The following PCDHA1 variants were observed in gnomAD, a reference collection of about 807,000 sequenced individuals.
The protein encoded by PCDHA1 is protocadherin alpha-1.
A neutral mutation model predicts 61.3 loss-of-function variants in PCDHA1; 42 were observed. The observed-to-expected ratio is 0.69, with a 90% CI of 0.54 to 0.89. The LOEUF (loss-of-function observed/expected upper bound fraction) is 0.89, where lower values mean the gene tolerates loss of function less well. Ranked by LOEUF, PCDHA1 falls within the 40% of genes least tolerant of loss-of-function variation. The pLI is 0.00. For missense variants in PCDHA1, 1,256 were observed against 1,235.3 expected (o/e 1.02, Z -0.25); for synonymous variants, 610 against 553.8 (o/e 1.10, Z -1.43).
At chr5:140,867,027 C>T (rs1043288554) in intron 1 of PCDHA1, 4 of 152,102 alleles carry the variant, frequency 2.6e-5, no homozygotes, top group Non-Finnish European at 5.9e-5. Context: ...ATATCAAACT[C>T]TTTTATGACT....
intron 1 of PCDHA1, chr5:140,804,822 G>A (rs1763466410): frequency 2.7e-6 from 1 of 372,784 alleles, no homozygotes; most frequent in Admixed American, 4.7e-5. Context: ...CTGAAACCTG[G>A]TTAATACTCA....
intron 1 of PCDHA1, chr5:140,835,829 G>C: frequency 6.2e-7 from 1 of 1,612,474 alleles, no homozygotes; most frequent in Non-Finnish European, 8.5e-7. Context: ...CGGGGGACGC[G>C]GACGCGCAGA....
At chr5:140,876,884 G>A (rs782742455) in intron 1 of PCDHA1, 11 of 1,614,028 alleles carry the variant, frequency 6.8e-6, no homozygotes, top group East Asian at 2.2e-5. Flanking sequence ...AACCCGCCGG[G>A]CTGCCACATC....
intron 1 of PCDHA1, chr5:140,828,325 T>C (rs2150154082): frequency 6.2e-7 from 1 of 1,614,220 alleles, no homozygotes. Flanking sequence ...TGGAGGTAAA[T>C]CTGCAGAATG....
Position 140,877,016 on chromosome 5 carries a change from G to T in PCDHA1, c.2394+88332G>T, listed in dbSNP as rs781790454. The T allele has an allele frequency of 4.7e-5, 76 of 1,612,480 alleles. No individual in the cohort carries two copies. The highest frequency in any genetic ancestry group is 4.0e-4 in the Middle Eastern group (2 of 5,052). The stretch of plus-strand genomic sequence containing the variant: ...TACGTGTCGGTGCACGCGGAGAGCG[G>T]CAAGGTGTACGCGCTGCAGCCGCTA... On this transcript the variant is annotated intron_variant, in intron 1 of 3. Coordinates refer to ENST00000504120, the MANE Select transcript of PCDHA1 (RefSeq NM_018900.4).
intron 1 of PCDHA1, among the ~76,000 whole-genome samples, chr5:140,978,524 C>G (rs1554239389): frequency 2.0e-5 from 3 of 152,208 alleles, no homozygotes; most frequent in Admixed American, 6.5e-5. Context: ...TCCAGCCAGG[C>G]CAGCAGAACT....
chr5:140,853,637 C>T lies in PCDHA1; in HGVS notation c.2394+64953C>T, dbSNP rs1261449474. 3.6e-5 allele frequency: 36 copies of T among 988,398 alleles called. 4 individuals carry two copies. The highest frequency in any genetic ancestry group is 4.4e-5 in the Non-Finnish European group (36 of 820,538). 61.2% of individuals were successfully genotyped at this position (988,398 alleles called of 1,614,324 possible). On this transcript the variant is annotated intron_variant, in intron 1 of 3. Coordinates refer to ENST00000504120, the MANE Select transcript of PCDHA1 (RefSeq NM_018900.4). ...TAAATAAGTATACAAGATCACAGAC[C>T]TAAATTGAGCCTGTTCCAGACAAAT... is the stretch of plus-strand genomic sequence containing the variant.
intron 1 of PCDHA1, among the ~76,000 whole-genome samples, chr5:140,826,596 GTTAAA>G (rs1357546404): frequency 6.6e-6 from 1 of 152,084 alleles, no homozygotes; most frequent in East Asian, 1.9e-4. Flanking sequence ...TAACATTAAG[GTTAAA>G]TTAAGGGCGA....
In PCDHA1 at chr5:140,927,334, G is replaced by A. The variant is rs201745433; in HGVS notation, c.2395-51615G>A. The A allele has an allele frequency of 4.6e-5, 74 of 1,614,180 alleles. No individual in the cohort carries two copies. Among genetic ancestry groups the A allele is most frequent in the Non-Finnish European group, 5.9e-5 (70 of 1,180,032 alleles). ...CGGAGCCCGCTTTACTCTCCCGAAT[G>A]CCCAAGATGACGACGAGGGAAGCAA... On this transcript the variant is annotated intron_variant, in intron 1 of 3. Transcript: ENST00000504120.
chr5:140,876,454 C>A, intron 1 of PCDHA1: 2 of 1,613,996 alleles, frequency 1.2e-6, no homozygotes, highest in Non-Finnish European at 1.7e-6. Context: ...TAAAGGGATT[C>A]CTTCCATGGC....
At chr5:140,974,647 G>GATT (rs2096635431) in intron 1 of PCDHA1, among the ~76,000 whole-genome samples, 1 of 152,068 alleles carries the variant, frequency 6.6e-6, no homozygotes, top group African/African-American at 2.4e-5. Context: ...GAGTAGCTGA[G>GATT]ATTACAGGCA....
chr5:140,848,559 G>C, intron 1 of PCDHA1: 1 of 1,595,568 alleles, frequency 6.3e-7, no homozygotes, highest in Non-Finnish European at 8.6e-7. Context: ...TCTGATCCTC[G>C]CAATGTGGGT....
At chr5:140,796,488 T>G (rs781975077) in intron 1 of PCDHA1, 8 of 1,612,152 alleles carry the variant, frequency 5.0e-6, no homozygotes, top group South Asian at 1.1e-5. Flanking sequence ...CGAGCTACGT[T>G]TCGGTGCACG....
intron 1 of PCDHA1, chr5:140,841,973 G>T (rs2150326625): frequency 4.8e-5 from 77 of 1,613,744 alleles, no homozygotes; most frequent in Non-Finnish European, 6.3e-5. Flanking sequence ...CACAGATGGG[G>T]GCAAACCTGA....
intron 1 of PCDHA1, among the ~76,000 whole-genome samples, chr5:140,791,566 A>T (rs1424026547): frequency 2.3e-5 from 3 of 130,862 alleles, no homozygotes; most frequent in African/African-American, 8.4e-5. Flanking sequence ...TGAACCAGAT[A>T]AATTTTAAGA....
chr5:140,906,930 G>A (rs1006674722), intron 1 of PCDHA1, among the ~76,000 whole-genome samples: 3 of 152,246 alleles, frequency 2.0e-5, no homozygotes, highest in Non-Finnish European at 4.4e-5. Flanking sequence ...AAAGTGTCCC[G>A]GTGTCAATCT....
intron 1 of PCDHA1, chr5:140,805,485 G>A (rs1009202015): frequency 3.5e-5 from 35 of 993,802 alleles, no homozygotes; most frequent in South Asian, 1.9e-4. Context: ...GAGAGGGAGC[G>A]TAAAGCTATT....
rs1446529645 is a variant in PCDHA1, at chr5:140,923,539, C to CA, written c.2395-55406dup. ...GTGAGATTCTGTCCCAAAAAAAGGA[C>CA]AAAATGAAATATCAGCAATGAAAGG... On this transcript the variant is annotated intron_variant, in intron 1 of 3. Coordinates refer to ENST00000504120, the MANE Select transcript of PCDHA1 (RefSeq NM_018900.4). 3.3e-5 allele frequency among the ~76,000 whole-genome samples: 5 copies of CA among 152,090 alleles called. No individual in the cohort carries two copies. The South Asian group carries it at 8.3e-4, about 25-fold the overall frequency.
intron 1 of PCDHA1, chr5:140,967,662 A>G: frequency 6.2e-7 from 1 of 1,614,192 alleles, no homozygotes; most frequent in Non-Finnish European, 8.5e-7. Context: ...TTGAGCAGCT[A>G]CACGTCGGAC....
Sources: gnomAD v4.1 joint callset for allele counts (sites outside exome capture counted in the v4.1 genomes callset) on GRCh38, gnomAD v4.1.1 for gene constraint, MANE v1.5 for transcripts, NCBI Gene and HGNC (gene_info 2026-07-23, HGNC 2026-07-21) for gene names.